LRRIQ1: variants seen among roughly 807,000 people sequenced by gnomAD.
LRRIQ1 encodes the protein leucine rich repeats and IQ motif containing 1.
A neutral mutation model predicts 211.9 loss-of-function variants in LRRIQ1; 210 were observed. That is an observed-to-expected ratio of 0.99 (90% CI 0.89 to 1.11). The LOEUF is 1.11. LRRIQ1 is among the 50% of genes most tolerant of loss of function. LRRIQ1 has a pLI of 0.00. For synonymous variants in LRRIQ1, 699 were observed against 650.1 expected (o/e 1.08, Z -1.14); for missense variants, 2,136 against 1,939.5 (o/e 1.10, Z -1.90).
chr12:85,180,141 G>T (rs1256087537), intron 24 of LRRIQ1, among the ~76,000 whole-genome samples: 1 of 151,778 alleles, frequency 6.6e-6, no homozygotes, highest in African/African-American at 2.4e-5. Context: ...AAGTTTCCCT[G>T]TCTCAACCAC....
chr12:85,250,588 A>G (rs1160633981), intron 1 of LRRIQ1, among the ~76,000 whole-genome samples: 1 of 149,504 alleles, frequency 6.7e-6, no homozygotes, highest in Non-Finnish European at 1.5e-5. Flanking sequence ...AAAAATACAA[A>G]AATTAGCTAG....
At chr12:85,125,104 G>A (rs1160656708) in intron 17 of LRRIQ1, among the ~76,000 whole-genome samples, 4 of 151,912 alleles carry the variant, frequency 2.6e-5, no homozygotes, top group Admixed American at 6.6e-5. Context: ...GCGTGAACCC[G>A]GGAGGTGGAG....
chr12:85,121,562 C>CA, intron 15 of LRRIQ1, 135 bp from the exon 16 acceptor site: 3 of 598,932 alleles, frequency 5.0e-6, no homozygotes, highest in Non-Finnish European at 7.4e-6. Context: ...CTAACTCTAT[C>CA]ATTTTCCCTA....
At chr12:85,073,561 C>G (rs950251284) in intron 11 of LRRIQ1, among the ~76,000 whole-genome samples, 1 of 152,004 alleles carries the variant, frequency 6.6e-6, no homozygotes, top group Non-Finnish European at 1.5e-5. Flanking sequence ...ATTTTCATTG[C>G]CAGCAGTGCT....
intron 15 of LRRIQ1, among the ~76,000 whole-genome samples, chr12:85,110,661 C>A (rs1887108713): frequency 6.6e-6 from 1 of 152,020 alleles, no homozygotes. Context: ...GAGAAACGGC[C>A]TTGGCTAAAG....
At chr12:85,236,841 A>G (rs1460467088) in intron 26 of LRRIQ1, among the ~76,000 whole-genome samples, 1 of 144,542 alleles carries the variant, frequency 6.9e-6, no homozygotes, top group Admixed American at 6.9e-5. Flanking sequence ...ATATATATAT[A>G]TATATATATA....
At chr12:85,240,366 G>A (rs1289315633) in intron 26 of LRRIQ1, among the ~76,000 whole-genome samples, 1 of 152,070 alleles carries the variant, frequency 6.6e-6, no homozygotes, top group Non-Finnish European at 1.5e-5. Context: ...GGTGAAAATG[G>A]TACAGCCACT....
chr12:85,151,491 C>CT (rs572472131), intron 19 of LRRIQ1, among the ~76,000 whole-genome samples: 2 of 151,492 alleles, frequency 1.3e-5, no homozygotes, highest in African/African-American at 2.4e-5. Flanking sequence ...TTCTAAGCAT[C>CT]TTTTTTCCCC....
At chr12:85,045,882 A>C (rs1879487705) in intron 4 of LRRIQ1, 138 bp from the exon 5 acceptor site, 1 of 447,116 alleles carries the variant, frequency 2.2e-6, no homozygotes, top group South Asian at 6.3e-5. Context: ...AATGTGCTGC[A>C]GATTTGTATT....
chr12:85,189,420 A>G lies in LRRIQ1; in HGVS notation c.4822+28706A>G, dbSNP rs1045332013. 1.1e-4 allele frequency among the ~76,000 whole-genome samples: 17 copies of G among 152,212 alleles called. 1 individual carries two copies. The South Asian group carries it at 1.2e-3, about 11-fold the overall frequency. On this transcript the variant is annotated intron_variant, in intron 24 of 26. Transcript: ENST00000393217. The stretch of plus-strand genomic sequence containing the variant: ...GTATGAGCACTAAGGAAATATTCAA[A>G]TGGAAAAGACAATACAAGTAAAGGT...
intron 14 of LRRIQ1, among the ~76,000 whole-genome samples, chr12:85,106,100 A>C (rs1395099584): frequency 6.6e-6 from 1 of 152,048 alleles, no homozygotes; most frequent in African/African-American, 2.4e-5. Flanking sequence ...CCGGCCCTAT[A>C]TTGACTTTTT....
At chr12:85,207,285 T>C (rs1166732044) in intron 24 of LRRIQ1, among the ~76,000 whole-genome samples, 2 of 151,954 alleles carry the variant, frequency 1.3e-5, no homozygotes, top group Non-Finnish European at 2.9e-5. Flanking sequence ...TCCAAAGATG[T>C]GTTTGAAGTG....
intron 19 of LRRIQ1, among the ~76,000 whole-genome samples, chr12:85,143,280 C>A (rs556445064): frequency 6.6e-6 from 1 of 151,640 alleles, no homozygotes; most frequent in African/African-American, 2.4e-5. Flanking sequence ...CTGTTCAGGT[C>A]CTTTGCTCAT....
intron 11 of LRRIQ1, among the ~76,000 whole-genome samples, chr12:85,077,497 T>C (rs1658841915): frequency 6.6e-6 from 1 of 152,220 alleles, no homozygotes; most frequent in Admixed American, 6.5e-5. Flanking sequence ...TTGTTTGTTT[T>C]ATTTTGAATA....
chr12:85,042,864 G>T (rs942379495), intron 3 of LRRIQ1, among the ~76,000 whole-genome samples: 3 of 152,006 alleles, frequency 2.0e-5, no homozygotes, highest in Admixed American at 2.0e-4. Context: ...ATATATTTCA[G>T]ATCAAAATTG....
Position 85,153,067 on chromosome 12 carries a change from C to A in LRRIQ1, c.4463C>A (p.Pro1488Gln). Residue 1488 changes from proline (P) to glutamine (Q), a missense_variant, in exon 21 of 27, where the codon CCA (proline) becomes CAA (glutamine). Physicochemically the swap from Pro to Gln is moderately conservative, Grantham distance 76. Coordinates refer to ENST00000393217, the MANE Select transcript of LRRIQ1 (RefSeq NM_001079910.2). Reference sequence around the variant, plus strand: ...TGGGATGATACTTCATTTAATTTACCAAGTAATCCAGCTCAAGCATGGTTA... The same window carrying A: ...TGGGATGATACTTCATTTAATTTACAAAGTAATCCAGCTCAAGCATGGTTA... ...LKWDDTSFNL[P>Q]SNPAQAWLCN... 6.3e-7 allele frequency: 1 copy of A among 1,580,030 alleles called. No individual in the cohort carries two copies. Among genetic ancestry groups the A allele is most frequent in the Non-Finnish European group, 8.6e-7 (1 of 1,157,980 alleles).
At chr12:85,215,824 C>T (rs577657153) in intron 24 of LRRIQ1, among the ~76,000 whole-genome samples, 9 of 152,194 alleles carry the variant, frequency 5.9e-5, no homozygotes, top group South Asian at 2.1e-4. Flanking sequence ...TACACAGCAA[C>T]GCAGATACAT....
chr12:85,098,569 G>T, intron 12 of LRRIQ1, 21 bp downstream of exon 12: 1 of 1,549,102 alleles, frequency 6.5e-7, no homozygotes, highest in South Asian at 1.2e-5. Flanking sequence ...TGAATTAATT[G>T]ATTTCTGTGA....
intron 6 of LRRIQ1, among the ~76,000 whole-genome samples, chr12:85,049,432 T>C (rs1880036209): frequency 6.6e-6 from 1 of 152,160 alleles, no homozygotes; most frequent in African/African-American, 2.4e-5. Flanking sequence ...AAATGCTTCT[T>C]TCTTCTGCCA....
Sources: gnomAD v4.1 joint callset for allele counts (sites outside exome capture counted in the v4.1 genomes callset) on GRCh38, gnomAD v4.1.1 for gene constraint, MANE v1.5 for transcripts, NCBI Gene and HGNC (gene_info 2026-07-23, HGNC 2026-07-21) for gene names.